Variants in FGF14 observed in about 807,000 individuals in gnomAD.
The protein encoded by FGF14 is fibroblast growth factor homologous factor 4.
In FGF14, 5 loss-of-function variants were observed where a neutral mutation model predicts 25.5. That is an observed-to-expected ratio of 0.20 (90% confidence interval 0.10 to 0.41). The LOEUF (loss-of-function observed/expected upper bound fraction) is 0.41. Ranked by LOEUF, FGF14 falls within the 10% of genes least tolerant of loss-of-function variation. The pLI is 1.00. For missense variants in FGF14, 222 were observed against 320.1 expected (o/e 0.69, Z 2.34); for synonymous variants, 138 against 118.3 (o/e 1.17, Z -1.08).
At chr13:101,978,011 T>C (rs1026190658) in intron 1 of FGF14, among the ~76,000 whole-genome samples, 2 of 152,124 alleles carry the variant, frequency 1.3e-5, no homozygotes, top group African/African-American at 4.8e-5. Context: ...AAAATTTCCA[T>C]TTGAGAGAAA....
At chr13:101,947,400 C>T (rs1032386989) in intron 1 of FGF14, among the ~76,000 whole-genome samples, 16 of 152,114 alleles carry the variant, frequency 1.1e-4, no homozygotes, top group African/African-American at 3.9e-4. Flanking sequence ...CATCACAGTG[C>T]TATTCACAGT....
Position 102,246,414 on chromosome 13 carries a change from G to T in FGF14, c.208+155057C>A, listed in dbSNP as rs564000305. ...TACCTTTTGAAAATCAAGGTGAGTTGGTTTGAAAGTGTAATGGCAAACCCT... is the reference window on the plus strand; with the variant it reads ...TACCTTTTGAAAATCAAGGTGAGTTTGTTTGAAAGTGTAATGGCAAACCCT... On this transcript the variant is annotated intron_variant, in intron 1 of 4. Coordinates refer to the FGF14 transcript ENST00000376131. Among the ~76,000 whole-genome samples, 174 of 152,154 alleles carry T rather than the reference G, an allele frequency of 1.1e-3. 2 individuals carry two copies. Among genetic ancestry groups the T allele is most frequent in the African/African-American group, 3.8e-3 (157 of 41,566 alleles).
chr13:102,032,713 T>G (rs1225308179), intron 1 of FGF14, among the ~76,000 whole-genome samples: 1 of 152,240 alleles, frequency 6.6e-6, no homozygotes, highest in South Asian at 2.1e-4. Flanking sequence ...CACTGGCTTT[T>G]TGCTCCTCTT....
At position 101,816,951 on chromosome 13, in the gene FGF14, T is replaced by C. The variant is rs1447953438; in HGVS notation, c.408+51774A>G. 5.3e-5 allele frequency among the ~76,000 whole-genome samples: 8 copies of C among 152,206 alleles called. No homozygotes were observed. The East Asian group carries it at 1.3e-3, about 26-fold the overall frequency. ...GTTTAAAAAATTCAATTTTGATTAA[T>C]TTTTTATTCATTTCAGGCAGGTTTT... On this transcript the variant is annotated intron_variant, in intron 3 of 4. Coordinates refer to ENST00000376143, the MANE Select transcript of FGF14 (RefSeq NM_004115.4).
At chr13:102,373,914 T>A (rs1023365819) in intron 1 of FGF14, among the ~76,000 whole-genome samples, 3 of 152,086 alleles carry the variant, frequency 2.0e-5, no homozygotes, top group African/African-American at 7.2e-5. Flanking sequence ...GAAATTCTCA[T>A]ATAATTGGGC....
intron 3 of FGF14, among the ~76,000 whole-genome samples, chr13:101,858,817 T>G (rs368262132): frequency 6.6e-6 from 1 of 152,138 alleles, no homozygotes; most frequent in South Asian, 2.1e-4. Context: ...AAGCTCTTTT[T>G]CTAATTATAA....
At chr13:101,920,306 G>A (rs541655338), upstream of FGF14, among the ~76,000 whole-genome samples, 16 of 152,274 alleles carry the variant, frequency 1.1e-4, no homozygotes, top group South Asian at 3.3e-3. Flanking sequence ...GGCCCAGGTG[G>A]TGTAGCTCCT....
intron 1 of FGF14, among the ~76,000 whole-genome samples, chr13:102,157,707 A>G (rs2047412719): frequency 6.6e-6 from 1 of 152,196 alleles, no homozygotes; most frequent in African/African-American, 2.4e-5. Context: ...AATTAAACTA[A>G]AGAGCTTCTG....
Position 101,867,843 on chromosome 13 carries a change from T to C in FGF14, c.408+882A>G, listed in dbSNP as rs540348198. On this transcript the variant is annotated intron_variant, in intron 3 of 4. Transcript: ENST00000376143. The stretch of plus-strand genomic sequence containing the variant: ...GATTTCCCAAATTGACTGAAGAAAA[T>C]AGATTACATTTTCTGGGAGGCCCCC... Among the ~76,000 whole-genome samples the C allele has an allele frequency of 4.1e-4, 62 of 150,866 alleles. 3 individuals carry two copies. The South Asian group carries it at 0.013, about 31-fold the overall frequency.
At chr13:102,050,546 GAAAC>G (rs1307143674) in intron 1 of FGF14, among the ~76,000 whole-genome samples, 1 of 152,072 alleles carries the variant, frequency 6.6e-6, no homozygotes, top group African/African-American at 2.4e-5. Context: ...TAATGATTGA[GAAAC>G]AAAATTAATT....
intron 3 of FGF14, among the ~76,000 whole-genome samples, chr13:101,768,305 T>C (rs534475325): frequency 3.9e-5 from 6 of 152,196 alleles, no homozygotes; most frequent in African/African-American, 1.2e-4. Flanking sequence ...AAGGCTCTAA[T>C]GGAAAAATCA....
At chr13:101,908,049 G>C (rs762797031) in intron 1 of FGF14, among the ~76,000 whole-genome samples, 1 of 152,172 alleles carries the variant, frequency 6.6e-6, no homozygotes, top group Non-Finnish European at 1.5e-5. Context: ...TAGAAGTAAG[G>C]ATATAGCTGA....
intron 1 of FGF14, among the ~76,000 whole-genome samples, chr13:102,097,106 C>T (rs1309732431): frequency 6.6e-6 from 1 of 151,254 alleles, no homozygotes; most frequent in Non-Finnish European, 1.5e-5. Flanking sequence ...TTGAAAAAAT[C>T]CCTCCCAGGT....
chr13:102,189,015 AATGAAAGAAGAAAAGAAAGAAAG>A (rs2049007848), intron 1 of FGF14, among the ~76,000 whole-genome samples: 2 of 70,516 alleles, frequency 2.8e-5, no homozygotes, highest in Admixed American at 1.5e-4. Flanking sequence ...AAAGAGAAAG[AATGAAAGAAGAAAAGAAAGAAAG>A]AAAGAGAAAG....
At chr13:102,022,178 TA>T (rs1054350021) in intron 1 of FGF14, among the ~76,000 whole-genome samples, 5 of 152,076 alleles carry the variant, frequency 3.3e-5, no homozygotes, top group African/African-American at 1.2e-4. Context: ...GCTTCCTTTT[TA>T]ATCTGGGCAA....
At chr13:101,816,458 T>C (rs970478433) in intron 3 of FGF14, among the ~76,000 whole-genome samples, 8 of 151,868 alleles carry the variant, frequency 5.3e-5, no homozygotes, top group Middle Eastern at 3.2e-3. Flanking sequence ...AATAAGAAAA[T>C]AGCAACTTAT....
intron 1 of FGF14, among the ~76,000 whole-genome samples, chr13:102,009,475 T>C (rs2039971568): frequency 6.6e-6 from 1 of 152,164 alleles, no homozygotes; most frequent in African/African-American, 2.4e-5. Flanking sequence ...CTTGTATTGA[T>C]ATCTATACAC....
intron 3 of FGF14, chr13:101,802,022 T>C: frequency 2.4e-6 from 1 of 423,342 alleles, no homozygotes; most frequent in Non-Finnish European, 4.6e-6. Context: ...CTCCGACAGG[T>C]GAAAGACAGT....
At chr13:102,274,120 A>G (rs1391231500) in intron 1 of FGF14, among the ~76,000 whole-genome samples, 1 of 152,142 alleles carries the variant, frequency 6.6e-6, no homozygotes, top group African/African-American at 2.4e-5. Flanking sequence ...CACGTAGCAA[A>G]TGTTCTATCG....
Sources: gnomAD v4.1 joint callset for allele counts (sites outside exome capture counted in the v4.1 genomes callset) on GRCh38, gnomAD v4.1.1 for gene constraint, MANE v1.5 for transcripts, NCBI Gene and HGNC (gene_info 2026-07-23, HGNC 2026-07-21) for gene names.